The following POLR1C variants were observed in gnomAD, a reference collection of about 807,000 sequenced individuals.
The protein encoded by POLR1C is DNA-directed RNA polymerases I and III subunit RPAC1.
In POLR1C, 42 loss-of-function variants were observed where a neutral mutation model predicts 38.3. That is an observed-to-expected ratio of 1.10 (90% CI 0.86 to 1.42). POLR1C has a LOEUF of 1.42. Among genes scored for constraint, POLR1C ranks in the 40% most tolerant of loss-of-function variants. POLR1C has a pLI of 0.00. For synonymous variants in POLR1C, 163 were observed against 163.9 expected, an observed-to-expected ratio of 0.99 and a Z score of 0.04; for missense variants, 507 against 450.5, an observed-to-expected ratio of 1.13 and a Z score of -1.14.
At chr6:43,551,571 G>A in intron 10 of POLR1C, 1 of 1,243,736 alleles carries the variant, frequency 8.0e-7, no homozygotes, top group Non-Finnish European at 1.1e-6. Context: ...CACCTAGGCT[G>A]GAGTGCACAG....
rs760123164 is a variant in POLR1C, at chr6:43,520,990, C to G, written c.864C>G (p.Phe288Leu). The G allele has an allele frequency of 5.0e-6, 8 of 1,614,022 alleles. No homozygotes were observed. The South Asian group carries it at 7.7e-5, about 16-fold the overall frequency. The change falls in exon 8 of 9, where the codon TTC (phenylalanine) becomes TTG (leucine). Residue 288 changes from phenylalanine (F) to leucine (L), a missense_variant. Coordinates refer to ENST00000642195, the MANE Select transcript of POLR1C (RefSeq NM_203290.4). ...PRLDTFSREI[F>L]RNEKLKKVVR... ...TGGATACCTTCAGCAGAGAAATCTT[C>G]CGGAATGAGAAGCTAAAGAAGGTTG...
intron 9 of POLR1C, among the ~76,000 whole-genome samples, chr6:43,541,924 T>C (rs1044174575): frequency 1.3e-5 from 2 of 152,084 alleles, no homozygotes; most frequent in African/African-American, 4.8e-5. Flanking sequence ...GTTACAAGCA[T>C]GCACACCACC....
downstream of POLR1C, chr6:43,524,399 C>G: frequency 6.6e-7 from 1 of 1,515,902 alleles, no homozygotes; most frequent in African/African-American, 1.4e-5. Flanking sequence ...ATAACTACAG[C>G]TGGTTTATGG....
intron 9 of POLR1C, among the ~76,000 whole-genome samples, chr6:43,540,819 G>A (rs1021372486): frequency 3.9e-5 from 6 of 152,040 alleles, no homozygotes; most frequent in South Asian, 4.2e-4. Flanking sequence ...GTTATCACTA[G>A]TATTTTCAAA....
At chr6:43,552,354 C>G (rs1795269798) in intron 10 of POLR1C, among the ~76,000 whole-genome samples, 1 of 151,916 alleles carries the variant, frequency 6.6e-6, no homozygotes, top group African/African-American at 2.4e-5. Context: ...CTGCGCCCCA[C>G]CCTTTTCTTT....
In POLR1C at chr6:43,547,789, A is replaced by G. The variant is rs148562461; in HGVS notation, c.*5-3179A>G. ...CTTCCACAGGAGTTAACAGGCTATC[A>G]TTATTTGGCCCTTAAGAGCAGTTTT... On this transcript the variant is annotated intron_variant, in intron 9 of 10. Transcript: ENST00000607635. 3.4e-4 allele frequency: 425 copies of G among 1,255,972 alleles called. No homozygotes were observed. In the African/African-American group the frequency reaches 5.1e-3, roughly 15 times the overall value. 77.8% of individuals were successfully genotyped at this position (1,255,972 alleles called of 1,614,324 possible).
chr6:43,548,322 CCTT>C, intron 9 of POLR1C: 1 of 1,613,630 alleles, frequency 6.2e-7, no homozygotes, highest in Non-Finnish European at 8.5e-7. Flanking sequence ...TCTAGGAACA[CCTT>C]CTGACGCTCG....
At chr6:43,555,750 G>A in intron 10 of POLR1C, 1 of 1,532,418 alleles carries the variant, frequency 6.5e-7, no homozygotes, top group Non-Finnish European at 8.9e-7. Flanking sequence ...TCGTTCTGAT[G>A]TGTGTATAGC....
At chr6:43,533,035 G>T (rs1794081939), downstream of POLR1C, among the ~76,000 whole-genome samples, 1 of 152,062 alleles carries the variant, frequency 6.6e-6, no homozygotes, top group African/African-American at 2.4e-5. Context: ...AGTCCCAGCA[G>T]GCTGTGGGAG....
At chr6:43,553,538 C>T (rs1795360601) in intron 10 of POLR1C, 2 of 1,537,452 alleles carry the variant, frequency 1.3e-6, no homozygotes, top group Non-Finnish European at 1.8e-6. Flanking sequence ...CACACACACA[C>T]ACACACACAC....
intron 10 of POLR1C, chr6:43,561,082 A>G (rs1762390514): frequency 8.1e-7 from 1 of 1,235,966 alleles, no homozygotes; most frequent in Non-Finnish European, 1.2e-6. Context: ...AAGTAATAAA[A>G]ACAGATAAAT....
intron 10 of POLR1C, among the ~76,000 whole-genome samples, chr6:43,553,056 G>A (rs946608346): frequency 8.5e-5 from 13 of 152,148 alleles, no homozygotes; most frequent in Admixed American, 2.0e-4. Context: ...GGTCATGCCC[G>A]CAATCTCAGC....
At chr6:43,531,215 CTTGGGTTTCATCATT>C (rs997789937), downstream of POLR1C, among the ~76,000 whole-genome samples, 21 of 149,722 alleles carry the variant, frequency 1.4e-4, no homozygotes, top group Non-Finnish European at 2.4e-4. Context: ...TTAGCTTCGA[CTTGGGTTTCATCATT>C]TTATACACTA....
downstream of POLR1C, chr6:43,522,990 G>A (rs866308836): frequency 1.8e-5 from 3 of 168,632 alleles, no homozygotes; most frequent in Middle Eastern, 6.0e-3. Context: ...CCTGGACTTA[G>A]TCCTAGGAGA....
intron 9 of POLR1C, chr6:43,547,663 T>A (rs775661626): frequency 2.5e-6 from 4 of 1,613,926 alleles, no homozygotes; most frequent in Non-Finnish European, 3.4e-6. Context: ...GCTCTTCTGA[T>A]CTGTACCCAC....
At chr6:43,521,083 T>C in intron 8 of POLR1C, 35 bp downstream of exon 8, 1 of 1,592,586 alleles carries the variant, frequency 6.3e-7, no homozygotes. Context: ...TGGGCAGTGC[T>C]CTTTGGTGCT....
downstream of POLR1C, chr6:43,530,777 T>C: frequency 1.2e-6 from 2 of 1,613,880 alleles, no homozygotes; most frequent in Non-Finnish European, 8.5e-7. Flanking sequence ...CTCCACAGTA[T>C]AGAAGTCTTG....
At chr6:43,539,167 G>A (rs1196183579) in intron 9 of POLR1C, 13 of 1,099,422 alleles carry the variant, frequency 1.2e-5, no homozygotes, top group Non-Finnish European at 1.6e-5. Flanking sequence ...TGCAGGGGAC[G>A]GTGTGGGGCT....
chr6:43,552,218 C>T (rs994873614), intron 10 of POLR1C, among the ~76,000 whole-genome samples: 4 of 151,848 alleles, frequency 2.6e-5, no homozygotes, highest in African/African-American at 4.8e-5. Context: ...TGACCATGCC[C>T]GGCTAATTTT....
Sources: gnomAD v4.1 joint callset for allele counts (sites outside exome capture counted in the v4.1 genomes callset) on GRCh38, gnomAD v4.1.1 for gene constraint, MANE v1.5 for transcripts, NCBI Gene and HGNC (gene_info 2026-07-23, HGNC 2026-07-21) for gene names.